The following HEATR5A variants were observed in gnomAD, a reference collection of about 807,000 sequenced individuals.
HEATR5A encodes HEAT repeat-containing protein 5A.
Under a neutral mutation model 218.8 loss-of-function variants are expected in HEATR5A, and 178 were observed. The observed-to-expected ratio is 0.81, with a 90% CI of 0.72 to 0.92. HEATR5A has a LOEUF of 0.92. Ranked by LOEUF, HEATR5A falls within the 40% of genes least tolerant of loss-of-function variation. HEATR5A has a pLI of 0.00. For missense variants in HEATR5A, 2,420 were observed against 2,418.9 expected (o/e 1.00, Z -0.01); for synonymous variants, 864 against 871.6 (o/e 0.99, Z 0.15).
chr14:31,389,036 T>A, intron 6 of HEATR5A, 31 bp from the exon 7 acceptor site: 1 of 1,528,504 alleles, frequency 6.5e-7, no homozygotes, highest in Non-Finnish European at 8.9e-7. Context: ...GTGATTCATA[T>A]TTTACAGACT....
rs766633375 is a variant in HEATR5A, at chr14:31,337,577, G to T, written c.3266C>A (p.Ala1089Glu). 2.5e-6 allele frequency: 4 copies of T among 1,599,258 alleles called. No individual in the cohort carries two copies. The African/African-American group carries it at 4.0e-5, about 16-fold the overall frequency. The part of the protein sequence containing the change: ...LCSPYLLLRR[A>E]VLACLRQLVQ... ...AAGCTGACGTAAGCAAGCCAGTACT[G>T]CTCTTCTCAGTAACAAGTAGGGGCT... Residue 1089 changes from alanine to glutamate, a missense_variant, in exon 22 of 36, where the codon GCA (alanine) becomes GAA (glutamate). Ala to Glu is a moderately radical substitution (Grantham distance 107, BLOSUM62 -1). Transcript: ENST00000543095.
At chr14:31,320,557 A>G (rs952432380) in intron 25 of HEATR5A, 20 of 920,604 alleles carry the variant, frequency 2.2e-5, no homozygotes, top group Non-Finnish European at 2.6e-5. Flanking sequence ...AGGAGAAGGC[A>G]GACACAGGCC....
chr14:31,329,059 A>T (rs1900372115), intron 22 of HEATR5A, among the ~76,000 whole-genome samples: 1 of 152,062 alleles, frequency 6.6e-6, no homozygotes, highest in Non-Finnish European at 1.5e-5. Flanking sequence ...AAACCATCAG[A>T]TCTTGTGAGA....
chr14:31,342,513 T>C (rs990268462), intron 21 of HEATR5A, among the ~76,000 whole-genome samples: 2 of 152,216 alleles, frequency 1.3e-5, no homozygotes, highest in Non-Finnish European at 2.9e-5. Flanking sequence ...ACTAAATGCC[T>C]GAGACATTTG....
intron 2 of HEATR5A, among the ~76,000 whole-genome samples, chr14:31,400,844 GTTT>G (rs11338934): frequency 1.4e-5 from 2 of 137,946 alleles, no homozygotes. Flanking sequence ...TATTATTATT[GTTT>G]TTTTTTTTTT....
At chr14:31,367,363 C>T (rs2139246026) in intron 13 of HEATR5A, among the ~76,000 whole-genome samples, 1 of 151,804 alleles carries the variant, frequency 6.6e-6, no homozygotes, top group East Asian at 1.9e-4. Context: ...CAAATTTATC[C>T]ACAGATTCAA....
At chr14:31,377,092 C>T (rs1902255723) in intron 11 of HEATR5A, among the ~76,000 whole-genome samples, 1 of 150,042 alleles carries the variant, frequency 6.7e-6, no homozygotes, top group Non-Finnish European at 1.5e-5. Context: ...CCACTGTACT[C>T]CAGCCTGGGT....
At chr14:31,351,994 T>A (rs962093695) in intron 16 of HEATR5A, among the ~76,000 whole-genome samples, 4 of 152,186 alleles carry the variant, frequency 2.6e-5, no homozygotes, top group African/African-American at 9.7e-5. Context: ...ACTCTGCTAC[T>A]GGTGAGAAAA....
intron 9 of HEATR5A, among the ~76,000 whole-genome samples, chr14:31,384,915 C>T (rs1208797755): frequency 6.6e-6 from 1 of 152,126 alleles, no homozygotes; most frequent in African/African-American, 2.4e-5. Context: ...CAGTGGGCTA[C>T]TAACCAACTA....
Sources: allele counts gnomAD v4.1 joint callset (sites outside exome capture counted in the v4.1 genomes callset), GRCh38; gene constraint gnomAD v4.1.1; transcripts MANE v1.5; gene names NCBI Gene and HGNC (gene_info 2026-07-23, HGNC 2026-07-21).